Variants in DUSP5 observed in about 807,000 individuals in gnomAD.
The protein encoded by DUSP5 is dual specificity protein phosphatase 5.
A neutral mutation model predicts 33.6 loss-of-function variants in DUSP5; 22 were observed. The ratio of observed to expected loss-of-function variants is 0.66; its 90% CI spans 0.47 to 0.94. The LOEUF (loss-of-function observed/expected upper bound fraction) is 0.94, where lower values mean the gene tolerates loss of function less well. Ranked by LOEUF, DUSP5 falls within the 40% of genes least tolerant of loss-of-function variation. The probability of loss-of-function intolerance (pLI) is 0.00; values close to 1 mark genes in which losing one functional copy is unlikely to be tolerated. For missense variants in DUSP5, 551 were observed against 522.1 expected (o/e 1.06, Z -0.54); for synonymous variants, 270 against 231.1 (o/e 1.17, Z -1.53).
rs534754516 is a variant in DUSP5, at chr10:110,507,165, C to G, written c.748+11C>G. The G allele has an allele frequency of 1.4e-5, 22 of 1,609,184 alleles. No individual in the cohort carries two copies. The South Asian group carries it at 2.4e-4, about 18-fold the overall frequency. The stretch of plus-strand genomic sequence containing the variant: ...CAATAGACTTCATTGGTAGGTTTAG[C>G]CATTCCCCTTCAGTTATTTTGGGAG... On this transcript the variant is annotated intron_variant, in intron 3 of 3. Transcript: ENST00000369583.
chr10:110,507,504 T>TA (rs1197571595), intron 3 of DUSP5, among the ~76,000 whole-genome samples: 1 of 152,216 alleles, frequency 6.6e-6, no homozygotes, highest in African/African-American at 2.4e-5. Flanking sequence ...ACTGTGCTTC[T>TA]ACGTAGGTTG....
intron 1 of DUSP5, among the ~76,000 whole-genome samples, chr10:110,499,415 A>G (rs1288164369): frequency 6.6e-6 from 1 of 152,144 alleles, no homozygotes; most frequent in East Asian, 1.9e-4. Flanking sequence ...CTCAAATGAC[A>G]CCCGGGGAGA....
intron 3 of DUSP5, among the ~76,000 whole-genome samples, chr10:110,508,725 G>A (rs1564774509): frequency 1.3e-5 from 2 of 152,332 alleles, no homozygotes; most frequent in East Asian, 3.9e-4. Flanking sequence ...AAGGGAGATA[G>A]GAGCCCGACT....
intron 3 of DUSP5, 42 bp downstream of exon 3, chr10:110,507,196 T>C (rs1860129966): frequency 1.9e-6 from 3 of 1,584,706 alleles, no homozygotes; most frequent in South Asian, 2.2e-5. Context: ...GGGAGCCCCT[T>C]TGGGGCATGT....
chr10:110,498,168 G>A lies in DUSP5; in HGVS notation c.47G>A (p.Arg16His). 3 of 1,486,468 alleles carry A rather than the reference G, an allele frequency of 2.0e-6. No homozygotes were observed. Among genetic ancestry groups the A allele is most frequent in the Non-Finnish European group, 2.7e-6 (3 of 1,116,698 alleles). 92.1% of individuals were successfully genotyped at this position (1,486,468 alleles called of 1,614,324 possible). A position where few individuals can be genotyped will look rare whatever the true frequency, so the allele number is the denominator to read the frequency against. Reference protein sequence around the residue: ...LDGRQLRKMLRKEAAARCVVL... With the variant: ...LDGRQLRKMLHKEAAARCVVL... ...GGGCGCCAGCTGCGCAAGATGCTCC[G>A]CAAGGAGGCGGCGGCGCGCTGCGTG... Residue 16 changes from arginine to histidine, a missense_variant, in exon 1 of 4, where the codon CGC (arginine) becomes CAC (histidine). Arg to His is a conservative substitution (Grantham distance 29). This residue lies in a region of DUSP5 where 381 missense variants were observed against 310.4 expected (regional missense o/e 1.23). Coordinates refer to ENST00000369583, the MANE Select transcript of DUSP5 (RefSeq NM_004419.4).
intron 1 of DUSP5, among the ~76,000 whole-genome samples, chr10:110,500,831 G>A (rs183711918): frequency 3.9e-5 from 6 of 152,262 alleles, no homozygotes; most frequent in African/African-American, 1.4e-4. Context: ...CATTTAATCT[G>A]GAGGATTCCT....
chr10:110,503,838 A>G (rs762645138), intron 2 of DUSP5, among the ~76,000 whole-genome samples: 1 of 152,230 alleles, frequency 6.6e-6, no homozygotes, highest in Non-Finnish European at 1.5e-5. Context: ...GTAACCTTTC[A>G]AACTTTTCAC....
chr10:110,498,562 C>G, intron 1 of DUSP5, 62 bp downstream of exon 1: 1 of 1,370,384 alleles, frequency 7.3e-7, no homozygotes, highest in South Asian at 1.6e-5. Context: ...CCTCCCTGCG[C>G]CGGGGCGCCC....
intron 2 of DUSP5, chr10:110,503,325 T>C (rs1348656997): frequency 1.3e-5 from 2 of 155,730 alleles, no homozygotes; most frequent in Non-Finnish European, 2.8e-5. Context: ...GTGTGTCTTA[T>C]TGGTATGTTT....
intron 3 of DUSP5, among the ~76,000 whole-genome samples, 168 bp from the exon 4 acceptor site, chr10:110,509,852 C>T (rs1044193242): frequency 6.6e-6 from 1 of 152,214 alleles, no homozygotes; most frequent in African/African-American, 2.4e-5. Flanking sequence ...AAAGCTCTAT[C>T]CTCACCAGTG....
intron 2 of DUSP5, among the ~76,000 whole-genome samples, chr10:110,505,648 A>G (rs1303363017): frequency 3.9e-5 from 6 of 152,236 alleles, no homozygotes; most frequent in Admixed American, 2.6e-4. Flanking sequence ...ATGGAAACAC[A>G]GGAAGCAGAT....
chr10:110,507,474 C>A (rs1246034982), intron 3 of DUSP5, among the ~76,000 whole-genome samples: 1 of 152,176 alleles, frequency 6.6e-6, no homozygotes, highest in South Asian at 2.1e-4. Context: ...ACAAGGAAAG[C>A]AGGGGGAAGA....
chr10:110,508,676 G>T (rs564001623), intron 3 of DUSP5, among the ~76,000 whole-genome samples: 1 of 152,222 alleles, frequency 6.6e-6, no homozygotes, highest in East Asian at 1.9e-4. Flanking sequence ...CACTAGGCCA[G>T]TTAAAAGCTA....
rs1465151924 is a variant in DUSP5, at chr10:110,498,326, G to A, written c.205G>A (p.Glu69Lys). ...GTCGGCGCGCTACGTGCTGCCCGAC[G>A]AGGCGGCGCGCGCGCGGCTCCTGCA... ...AVSARYVLPD[E>K]AARARLLQEG... The change falls in exon 1 of 4, where the codon GAG (glutamate) becomes AAG (lysine). Residue 69 changes from glutamate to lysine, a missense_variant. Glu to Lys is a moderately conservative substitution (Grantham distance 56, BLOSUM62 1). This residue lies in a region of DUSP5 where 381 missense variants were observed against 310.4 expected (regional missense o/e 1.23). Transcript: ENST00000369583. 1.5e-6 allele frequency: 2 copies of A among 1,351,840 alleles called. No homozygotes were observed. Among genetic ancestry groups the A allele is most frequent in the East Asian group, 3.0e-5 (1 of 33,374 alleles). The allele number at this position is 1,351,840 out of a possible 1,614,324, so 83.7% of individuals were successfully genotyped here.
intron 2 of DUSP5, among the ~76,000 whole-genome samples, chr10:110,503,222 A>G (rs996397088): frequency 1.3e-5 from 2 of 152,216 alleles, no homozygotes; most frequent in African/African-American, 4.8e-5. Flanking sequence ...CCCTGAAGAC[A>G]TTTCAGAGTT....
In DUSP5 at chr10:110,498,304, G is replaced by T; in HGVS notation, c.183G>T (p.Ser61=). The change falls in exon 1 of 4, where the codon TCG becomes TCT. Residue 61 remains serine, a synonymous_variant. Transcript: ENST00000369583. Reference sequence around the variant, plus strand: ...GGCGGGCCCGGGGCGGCGCGGTGTCGGCGCGCTACGTGCTGCCCGACGAGG... The same window carrying T: ...GGCGGGCCCGGGGCGGCGCGGTGTCTGCGCGCTACGTGCTGCCCGACGAGG... ...VLRRARGGAV[S]ARYVLPDEAA... The T allele has an allele frequency of 2.8e-6, 4 of 1,436,206 alleles. No individual in the cohort carries two copies. Among genetic ancestry groups the T allele is most frequent in the Non-Finnish European group, 2.8e-6 (3 of 1,090,608 alleles). 89.0% of individuals were successfully genotyped at this position (1,436,206 alleles called of 1,614,324 possible). A position where few individuals can be genotyped will look rare whatever the true frequency, so the allele number is the denominator to read the frequency against.
intron 3 of DUSP5, among the ~76,000 whole-genome samples, chr10:110,509,490 C>T (rs1860159781): frequency 1.3e-5 from 2 of 152,212 alleles, no homozygotes; most frequent in African/African-American, 4.8e-5. Flanking sequence ...GACCGGAAGG[C>T]CTCTACCAGG....
chr10:110,506,990 C>T lies in DUSP5; in HGVS notation c.584C>T (p.Ser195Phe), dbSNP rs1451976429. The T allele has an allele frequency of 1.9e-6, 3 of 1,614,280 alleles. No homozygotes were observed. Among genetic ancestry groups the T allele is most frequent in the Non-Finnish European group, 2.5e-6 (3 of 1,180,052 alleles). ...FLYLGSAYHA[S>F]KCEFLANLHI... Reference sequence around the variant, plus strand: ...TACCTTGGAAGTGCCTACCATGCATCCAAGTGCGAGTTCCTCGCCAACCTG... The same window carrying T: ...TACCTTGGAAGTGCCTACCATGCATTCAAGTGCGAGTTCCTCGCCAACCTG... Residue 195 changes from serine (S) to phenylalanine (F), a missense_variant, in exon 3 of 4, where the codon TCC (serine) becomes TTC (phenylalanine). Physicochemically the swap from Ser to Phe is radical, Grantham distance 155. Coordinates refer to ENST00000369583, the MANE Select transcript of DUSP5 (RefSeq NM_004419.4).
rs1860179853 is a variant in DUSP5, at chr10:110,510,590, C to T, written c.*164C>T. On this transcript the variant is annotated 3_prime_UTR_variant, in exon 4 of 4. Coordinates refer to ENST00000369583, the MANE Select transcript of DUSP5 (RefSeq NM_004419.4). ...GGCTTGCAAATGAACTTCAGACGGA[C>T]CTCAGGGTAGGTTCTCGGGACTGAA... 1 of 1,023,722 alleles carries T rather than the reference C, an allele frequency of 9.8e-7. No individual in the cohort carries two copies. Among genetic ancestry groups the T allele is most frequent in the South Asian group, 1.8e-5 (1 of 56,066 alleles). 63.4% of individuals were successfully genotyped at this position (1,023,722 alleles called of 1,614,324 possible). A position where few individuals can be genotyped will look rare whatever the true frequency, so the allele number is the denominator to read the frequency against.
Sources: allele counts gnomAD v4.1 joint callset (sites outside exome capture counted in the v4.1 genomes callset), GRCh38; gene constraint gnomAD v4.1.1; regional missense constraint gnomAD v4.1.1; transcripts MANE v1.5; gene names NCBI Gene and HGNC (gene_info 2026-07-23, HGNC 2026-07-21).